LRRC37A2: variants seen among roughly 807,000 people sequenced by gnomAD.
LRRC37A2 encodes the protein leucine-rich repeat-containing protein 37A2.
In LRRC37A2, 9 loss-of-function variants were observed where a neutral mutation model predicts 68.8. The ratio of observed to expected loss-of-function variants is 0.13; its 90% CI spans 0.08 to 0.23. The LOEUF is 0.23. Among genes scored for constraint, LRRC37A2 ranks in the 10% least tolerant of loss-of-function variants. LRRC37A2 has a pLI of 1.00. For synonymous variants in LRRC37A2, 63 were observed against 367.6 expected (o/e 0.17, Z 9.48); for missense variants, 168 against 950.4 (o/e 0.18, Z 10.82).
At chr17:46,876,312 C>T in the LRRC37A2 span, 2 of 1,614,212 alleles carry the variant, frequency 1.2e-6, no homozygotes, top group East Asian at 2.2e-5. Flanking sequence ...GCCGTGCGCA[C>T]CTGCTGGAAG....
the LRRC37A2 span, among the ~76,000 whole-genome samples, chr17:47,026,183 T>G: frequency 6.6e-6 from 1 of 152,226 alleles, no homozygotes; most frequent in Non-Finnish European, 1.5e-5. Flanking sequence ...GAAGGGCCAT[T>G]GTGTAACATC....
At chr17:46,970,470 G>A in the LRRC37A2 span, among the ~76,000 whole-genome samples, 1 of 149,388 alleles carries the variant, frequency 6.7e-6, no homozygotes, top group Non-Finnish European at 1.5e-5. Context: ...AACCTGGGAG[G>A]CACAGGTTGC....
the LRRC37A2 span, chr17:46,964,918 GC>G: frequency 6.6e-6 from 1 of 152,216 alleles, no homozygotes; most frequent in Non-Finnish European, 1.5e-5. Context: ...TAACTGCAAG[GC>G]TTTGACAGGA....
the LRRC37A2 span, among the ~76,000 whole-genome samples, chr17:46,849,220 C>T: frequency 6.6e-6 from 1 of 152,244 alleles, no homozygotes; most frequent in African/African-American, 2.4e-5. Context: ...CACTCTCCAG[C>T]CACTGATGTC....
the LRRC37A2 span, among the ~76,000 whole-genome samples, chr17:46,784,683 C>T: frequency 4.6e-5 from 7 of 151,998 alleles, no homozygotes; most frequent in Admixed American, 2.6e-4. Context: ...TTCCATATTC[C>T]GGACGAGGTC....
At chr17:46,953,041 TA>T in the LRRC37A2 span, among the ~76,000 whole-genome samples, 7 of 152,046 alleles carry the variant, frequency 4.6e-5, no homozygotes, top group Non-Finnish European at 1.0e-4. Context: ...TATTATTTTT[TA>T]TTTTTTTATT....
chr17:46,956,661 G>A, the LRRC37A2 span, among the ~76,000 whole-genome samples: 7 of 152,218 alleles, frequency 4.6e-5, no homozygotes, highest in East Asian at 5.8e-4. Flanking sequence ...GAATCCCTTC[G>A]TTAGGAAGCT....
the LRRC37A2 span, among the ~76,000 whole-genome samples, chr17:46,768,138 A>G: frequency 6.6e-6 from 1 of 152,196 alleles, no homozygotes; most frequent in Non-Finnish European, 1.5e-5. The surrounding 1 kb of genome is among the most constrained non-coding windows in gnomAD (Gnocchi z 5.0). Flanking sequence ...TCTCTGCCCA[A>G]GGACCATTCC....
At chr17:46,909,118 C>T in the LRRC37A2 span, among the ~76,000 whole-genome samples, 5 of 151,870 alleles carry the variant, frequency 3.3e-5, no homozygotes, top group African/African-American at 1.2e-4. Flanking sequence ...GTGGCACATA[C>T]ATGGCTCACT....
the LRRC37A2 span, among the ~76,000 whole-genome samples, chr17:47,035,329 G>C: frequency 6.6e-6 from 1 of 152,204 alleles, no homozygotes; most frequent in African/African-American, 2.4e-5. Context: ...CCCCAGTGCT[G>C]TCTTCCCTCA....
chr17:46,856,714 C>T, the LRRC37A2 span, among the ~76,000 whole-genome samples: 2 of 152,138 alleles, frequency 1.3e-5, no homozygotes, highest in Admixed American at 6.5e-5. Context: ...AAACTCCTGA[C>T]CTCAGGTGAT....
the LRRC37A2 span, among the ~76,000 whole-genome samples, chr17:46,829,324 T>C: frequency 1.3e-5 from 2 of 152,114 alleles, no homozygotes; most frequent in Admixed American, 1.3e-4. Flanking sequence ...TGTGTCACTA[T>C]GCCTGGCTCA....
the LRRC37A2 span, among the ~76,000 whole-genome samples, chr17:46,906,588 A>C: frequency 6.6e-6 from 1 of 152,204 alleles, no homozygotes; most frequent in African/African-American, 2.4e-5. Context: ...ATGCCCAGCT[A>C]ATTTAATTTT....
chr17:46,913,923 C>A, the LRRC37A2 span, among the ~76,000 whole-genome samples: 2 of 151,982 alleles, frequency 1.3e-5, no homozygotes, highest in African/African-American at 4.8e-5. Context: ...CCATGCCCGG[C>A]TAATTTTTGT....
intron 6 of LRRC37A2, among the ~76,000 whole-genome samples, chr17:46,534,260 G>A (rs1482423102): frequency 7.6e-5 from 11 of 144,276 alleles, no homozygotes; most frequent in Admixed American, 1.4e-4. Context: ...GATTTGGCAG[G>A]GTCATAGGAC....
the LRRC37A2 span, among the ~76,000 whole-genome samples, chr17:46,504,909 TAATA>T: frequency 6.5e-5 from 8 of 123,222 alleles, no homozygotes; most frequent in South Asian, 5.3e-4. Context: ...ATTTATTAAT[TAATA>T]AATTTATTTA....
At chr17:46,764,127 G>A in the LRRC37A2 span, 1 of 152,162 alleles carries the variant, frequency 6.6e-6, no homozygotes, top group Admixed American at 6.5e-5. Flanking sequence ...AATTTGAATG[G>A]GAGTGGACCA....
At chr17:46,818,145 G>A in the LRRC37A2 span, among the ~76,000 whole-genome samples, 1 of 152,060 alleles carries the variant, frequency 6.6e-6, no homozygotes, top group Non-Finnish European at 1.5e-5. Context: ...ATGGAGAAGA[G>A]GAGTGGCTGG....
At chr17:46,602,724 T>G in the LRRC37A2 span, among the ~76,000 whole-genome samples, 11 of 146,486 alleles carry the variant, frequency 7.5e-5, 2 homozygotes, top group South Asian at 1.1e-3. Context: ...CCAATGAACC[T>G]CTGTGTCAAA....
Sources: gnomAD v4.1 joint callset for allele counts (sites outside exome capture counted in the v4.1 genomes callset) on GRCh38, gnomAD v4.1.1 for gene constraint, Gnocchi (gnomAD v3.1) non-coding constraint, MANE v1.5 for transcripts, NCBI Gene and HGNC (gene_info 2026-07-23, HGNC 2026-07-21) for gene names.